CDK19: variants seen among roughly 807,000 people sequenced by gnomAD.
The protein encoded by CDK19 is cyclin-dependent kinase 19.
A neutral mutation model predicts 68.3 loss-of-function variants in CDK19; 20 were observed. That is an observed-to-expected ratio of 0.29 (90% CI 0.21 to 0.43). CDK19 has a LOEUF of 0.43. Among genes scored for constraint, CDK19 ranks in the 20% least tolerant of loss-of-function variants. The pLI is 1.00. For synonymous variants in CDK19, 221 were observed against 222.8 expected (o/e 0.99, Z 0.07); for missense variants, 339 against 623.5 (o/e 0.54, Z 4.86).
intron 1 of CDK19, among the ~76,000 whole-genome samples, chr6:110,758,891 C>G (rs879155728): frequency 2.6e-5 from 4 of 151,976 alleles, no homozygotes; most frequent in Admixed American, 2.6e-4. Context: ...ATCTTCTCCC[C>G]TTAGGTGCAT....
chr6:110,621,036 A>G lies in CDK19; in HGVS notation c.1377+68T>C, dbSNP rs1390320124. The G allele has an allele frequency of 1.0e-5, 15 of 1,448,952 alleles. No homozygotes were observed. Among genetic ancestry groups the G allele is most frequent in the African/African-American group, 2.8e-5 (2 of 70,866 alleles). 89.8% of individuals were successfully genotyped at this position (1,448,952 alleles called of 1,614,324 possible). On this transcript the variant is annotated intron_variant, in intron 12 of 12. Coordinates refer to ENST00000368911, the MANE Select transcript of CDK19 (RefSeq NM_015076.5). The surrounding 1 kb of genome is among the most constrained non-coding windows in gnomAD (Gnocchi z 5.4). ...TAAGAGTTAAGTGTTACTTAACTCT[A>G]AAAGGATCTAGGATAAATCTTTTCC... is the stretch of plus-strand genomic sequence containing the variant.
At chr6:110,772,657 C>T (rs995441911) in intron 1 of CDK19, among the ~76,000 whole-genome samples, 13 of 152,114 alleles carry the variant, frequency 8.5e-5, no homozygotes, top group African/African-American at 3.1e-4. Context: ...AACAAAACTG[C>T]CAAGGCAGGA....
chr6:110,724,502 A>G (rs1284626210), intron 2 of CDK19, among the ~76,000 whole-genome samples: 4 of 152,200 alleles, frequency 2.6e-5, no homozygotes. Context: ...TCTACCTGGA[A>G]AAGTTCTGGA....
chr6:110,809,325 G>A (rs996013101), intron 1 of CDK19, among the ~76,000 whole-genome samples: 20 of 151,802 alleles, frequency 1.3e-4, no homozygotes, highest in African/African-American at 4.6e-4. Flanking sequence ...GACCAGCCTG[G>A]GCAACACAGT....
chr6:110,782,747 T>C (rs1029238847), intron 1 of CDK19, among the ~76,000 whole-genome samples: 1 of 152,192 alleles, frequency 6.6e-6, no homozygotes. Flanking sequence ...ATTACTCCCT[T>C]TCTCCATCAG....
At chr6:110,767,765 G>T (rs956124992) in intron 1 of CDK19, among the ~76,000 whole-genome samples, 1 of 151,990 alleles carries the variant, frequency 6.6e-6, no homozygotes, top group Non-Finnish European at 1.5e-5. Context: ...ACATGTACTG[G>T]AGTATCACAT....
chr6:110,769,836 C>T (rs1225042132), intron 1 of CDK19, among the ~76,000 whole-genome samples: 1 of 152,000 alleles, frequency 6.6e-6, no homozygotes. Flanking sequence ...GCAAAATACA[C>T]CACAGTCAGA....
chr6:110,782,906 T>C (rs1452675363), intron 1 of CDK19, among the ~76,000 whole-genome samples: 1 of 152,186 alleles, frequency 6.6e-6, no homozygotes, highest in African/African-American at 2.4e-5. Flanking sequence ...ACATTTTGCT[T>C]CCTCTGCATA....
At chr6:110,628,520 C>T (rs78507598) in intron 6 of CDK19, among the ~76,000 whole-genome samples, 2,015 of 152,316 alleles carry the variant, frequency 0.013, 43 homozygotes, top group African/African-American at 0.045. Context: ...TCCCTCTGTT[C>T]ATCCACACTG....
intron 2 of CDK19, among the ~76,000 whole-genome samples, chr6:110,691,439 A>G (rs1172712004): frequency 6.6e-6 from 1 of 150,488 alleles, no homozygotes; most frequent in East Asian, 2.0e-4. Flanking sequence ...ATGCCATTGC[A>G]CCCCAGCCTG....
At chr6:110,781,934 C>CCCCAT (rs1056873696) in intron 1 of CDK19, among the ~76,000 whole-genome samples, 15 of 151,354 alleles carry the variant, frequency 9.9e-5, no homozygotes, top group African/African-American at 3.6e-4. Context: ...GGCTCCCTCA[C>CCCCAT]CGCAATCCCA....
At chr6:110,646,308 G>T in intron 4 of CDK19, 1 of 1,494,358 alleles carries the variant, frequency 6.7e-7, no homozygotes, top group Non-Finnish European at 8.9e-7. Flanking sequence ...GGTGCTCAGC[G>T]ACTACCTGCG....
Position 110,670,471 on chromosome 6 carries a change from T to C in CDK19, c.275A>G (p.Lys92Arg). ...QKVFLSHSDR[K>R]VWLLFDYAEH... ...TGCATAATCAAACAGCAGCCATACC[T>C]TCCTGTCACTGTGAGAAAGGAACAC... The change falls in exon 3 of 13, where the codon AAG (lysine) becomes AGG (arginine). Residue 92 changes from lysine to arginine, a missense_variant. By Grantham distance (26) the Lys-to-Arg change is conservative (BLOSUM62 2). This residue lies in a region of CDK19 where 120 missense variants were observed against 224.0 expected (regional missense o/e 0.54). Transcript: ENST00000368911. 6.2e-7 allele frequency: 1 copy of C among 1,612,550 alleles called. No homozygotes were observed. The highest frequency in any genetic ancestry group is 8.5e-7 in the Non-Finnish European group (1 of 1,178,572).
At chr6:110,671,235 G>A (rs1013651452) in intron 2 of CDK19, among the ~76,000 whole-genome samples, 2 of 152,118 alleles carry the variant, frequency 1.3e-5, no homozygotes, top group African/African-American at 4.8e-5. Flanking sequence ...AGATAGACCA[G>A]AGCAGCAAGC....
At chr6:110,788,524 C>A (rs1180624917) in intron 1 of CDK19, among the ~76,000 whole-genome samples, 1 of 152,160 alleles carries the variant, frequency 6.6e-6, no homozygotes, top group Non-Finnish European at 1.5e-5. Flanking sequence ...CCATAAAATT[C>A]TCCAGCTTTA....
At chr6:110,714,918 G>T (rs1775255258) in intron 2 of CDK19, among the ~76,000 whole-genome samples, 1 of 151,670 alleles carries the variant, frequency 6.6e-6, no homozygotes, top group African/African-American at 2.4e-5. Context: ...ATTTTTAGTA[G>T]AAACGGGATT....
intron 2 of CDK19, among the ~76,000 whole-genome samples, chr6:110,720,920 G>A (rs1431861867): frequency 3.3e-5 from 5 of 150,914 alleles, no homozygotes; most frequent in African/African-American, 1.2e-4. Flanking sequence ...CACGTCAAAT[G>A]TCACAGTTGC....
At chr6:110,654,738 C>T (rs1165482565) in intron 4 of CDK19, among the ~76,000 whole-genome samples, 2 of 152,030 alleles carry the variant, frequency 1.3e-5, no homozygotes, top group Admixed American at 6.5e-5. Flanking sequence ...GTCAGGAGTT[C>T]GAGACCAGCC....
chr6:110,712,342 T>C (rs891931990), intron 2 of CDK19, among the ~76,000 whole-genome samples: 6 of 152,174 alleles, frequency 3.9e-5, no homozygotes, highest in Admixed American at 1.3e-4. Flanking sequence ...GTACTAATAC[T>C]CTATGGAACA....
Sources: allele counts gnomAD v4.1 joint callset (sites outside exome capture counted in the v4.1 genomes callset), GRCh38; gene constraint gnomAD v4.1.1; regional missense constraint gnomAD v4.1.1; non-coding constraint Gnocchi (gnomAD v3.1); transcripts MANE v1.5; gene names NCBI Gene and HGNC (gene_info 2026-07-23, HGNC 2026-07-21).